The following NUP42 variants were observed in gnomAD, a reference collection of about 807,000 sequenced individuals.
NUP42 encodes nucleoporin NUP42.
In NUP42, 47 loss-of-function variants were observed where a neutral mutation model predicts 35.9. That is an observed-to-expected ratio of 1.31 (90% CI 1.04 to 1.67). NUP42 has a LOEUF of 1.67. Among genes scored for constraint, NUP42 ranks in the 40% most tolerant of loss-of-function variants. The pLI is 0.00. For missense variants in NUP42, 514 were observed against 492.2 expected (o/e 1.04, Z -0.42); for synonymous variants, 173 against 173.3 (o/e 1.00, Z 0.01).
At chr7:23,186,522 A>G (rs138568962) in intron 2 of NUP42, among the ~76,000 whole-genome samples, 1 of 152,308 alleles carries the variant, frequency 6.6e-6, no homozygotes, top group African/African-American at 2.4e-5. Context: ...CTGTTGCAAA[A>G]TGTGAGAATT....
intron 5 of NUP42, 42 bp from the exon 6 acceptor site, chr7:23,199,416 A>G (rs1210536576): frequency 6.8e-7 from 1 of 1,472,292 alleles, no homozygotes; most frequent in Admixed American, 1.7e-5. Flanking sequence ...CTGGAGCACT[A>G]TTCATCAAGC....
At chr7:23,187,191 T>G in intron 3 of NUP42, 45 bp downstream of exon 3, 1 of 1,339,126 alleles carries the variant, frequency 7.5e-7, no homozygotes, top group Non-Finnish European at 1.1e-6. Context: ...CTAAAACTAT[T>G]ATTTTCTAAA....
At chr7:23,198,838 G>A (rs1786107845) in intron 5 of NUP42, among the ~76,000 whole-genome samples, 1 of 152,010 alleles carries the variant, frequency 6.6e-6, no homozygotes, top group African/African-American at 2.4e-5. Context: ...TACCCTTATA[G>A]ACACTGAAAA....
chr7:23,200,946 G>C lies in NUP42; in HGVS notation c.*201G>C. 3.0e-6 allele frequency: 1 copy of C among 332,490 alleles called. No individual in the cohort carries two copies. Among genetic ancestry groups the C allele is most frequent in the Non-Finnish European group, 5.3e-6 (1 of 187,644 alleles). 20.6% of individuals were successfully genotyped at this position (332,490 alleles called of 1,614,324 possible). On this transcript the variant is annotated 3_prime_UTR_variant, in exon 7 of 7. Transcript: ENST00000258742. The stretch of plus-strand genomic sequence containing the variant: ...ACTCTGCAAGCAAGGGAATTTTTTT[G>C]TACTGTAATTTTGAATGGAACTGAA...
At chr7:23,200,021 C>T in intron 6 of NUP42, 147 bp from the exon 7 acceptor site, 1 of 629,870 alleles carries the variant, frequency 1.6e-6, no homozygotes, top group South Asian at 2.2e-5. Context: ...CTCATTTTTA[C>T]TTTCCTCATC....
chr7:23,199,307 C>A, intron 5 of NUP42, 151 bp from the exon 6 acceptor site: 1 of 609,910 alleles, frequency 1.6e-6, no homozygotes. Flanking sequence ...CCTCCTCAGC[C>A]TCCCAAAGTG....
At position 23,182,116 on chromosome 7, in the gene NUP42, C is replaced by T. The variant is rs370296256; in HGVS notation, c.31C>T (p.Arg11Trp). The T allele has an allele frequency of 5.0e-5, 81 of 1,614,066 alleles. No homozygotes were observed. The highest frequency in any genetic ancestry group is 2.4e-4 in the East Asian group (11 of 44,904). Residue 11 changes from arginine to tryptophan, a missense_variant, in exon 1 of 7, where the codon CGG becomes TGG. Physicochemically the swap from Arg to Trp is moderately radical, Grantham distance 101. Coordinates refer to ENST00000258742, the MANE Select transcript of NUP42 (RefSeq NM_007342.3). MAICQFFLQG[R>W]CRFGDRCWNE... ...CATTTGTCAATTCTTCCTTCAAGGC[C>T]GGTGCCGCTTTGGAGATCGGTGCTG...
At position 23,195,846 on chromosome 7, in the gene NUP42, A is replaced by G; in HGVS notation, c.453A>G (p.Thr151=). 1 of 1,597,356 alleles carries G rather than the reference A, an allele frequency of 6.3e-7. No homozygotes were observed. Among genetic ancestry groups the G allele is most frequent in the South Asian group, 1.1e-5 (1 of 88,784 alleles). Residue 151 remains threonine (T), a synonymous_variant, in exon 4 of 7, where the codon ACA becomes ACG. Transcript: ENST00000258742. ...VKKKPNISGF[T]DISPEELRLE... ...ATTGATTCCTCACTTCAGGTTTTACAGACATTTCACCAGAGGAATTGAGGC... is the reference window on the plus strand; with the variant it reads ...ATTGATTCCTCACTTCAGGTTTTACGGACATTTCACCAGAGGAATTGAGGC...
chr7:23,199,015 AT>A (rs1346784190), intron 5 of NUP42, among the ~76,000 whole-genome samples: 1 of 152,236 alleles, frequency 6.6e-6, no homozygotes, highest in African/African-American at 2.4e-5. Flanking sequence ...ACTAGTTGTG[AT>A]TATACTGTTT....
At chr7:23,186,796 G>A (rs1346027165) in intron 2 of NUP42, among the ~76,000 whole-genome samples, 1 of 152,024 alleles carries the variant, frequency 6.6e-6, no homozygotes, top group Admixed American at 6.5e-5. Context: ...CCAATGTTAT[G>A]TATTAACATT....
chr7:23,184,725 C>A (rs1040982131), intron 1 of NUP42, among the ~76,000 whole-genome samples: 6 of 152,196 alleles, frequency 3.9e-5, no homozygotes, highest in Non-Finnish European at 2.9e-5. Flanking sequence ...AGAACAGTTG[C>A]TGGGCACAGT....
In NUP42 at chr7:23,199,654, C is replaced by T. The variant is rs868513715; in HGVS notation, c.694+112C>T. The T allele has an allele frequency of 8.0e-5, 72 of 896,954 alleles. 1 individual carries two copies. The Middle Eastern group carries it at 4.5e-3, about 56-fold the overall frequency. 55.6% of individuals were successfully genotyped at this position (896,954 alleles called of 1,614,324 possible). On this transcript the variant is annotated intron_variant, in intron 6 of 6. Coordinates refer to ENST00000258742, the MANE Select transcript of NUP42 (RefSeq NM_007342.3). ...AAATTACCTTCGTAAATTCTACAACCTTCCATCATAGAGCCTCAAAGCATT... is the reference window on the plus strand; with the variant it reads ...AAATTACCTTCGTAAATTCTACAACTTTCCATCATAGAGCCTCAAAGCATT...
intron 6 of NUP42, 50 bp downstream of exon 6, chr7:23,199,592 T>C: frequency 6.8e-7 from 1 of 1,474,976 alleles, no homozygotes; most frequent in Non-Finnish European, 9.5e-7. Context: ...AAATTAGATT[T>C]TATAGGTTTC....
At chr7:23,194,685 C>CTTTTGCTTTTGCTTTTGTTTTTGT (rs561137859) in intron 3 of NUP42, 2 of 155,546 alleles carry the variant, frequency 1.3e-5, no homozygotes, top group African/African-American at 5.6e-5. Flanking sequence ...TTTGTTTTTG[C>CTTTTGCTTTTGCTTTTGTTTTTGT]TTTTGTTTTT....
At chr7:23,182,302 A>G in intron 1 of NUP42, 96 bp downstream of exon 1, 1 of 1,509,186 alleles carries the variant, frequency 6.6e-7, no homozygotes, top group Non-Finnish European at 8.9e-7. Flanking sequence ...TGGTGACCCC[A>G]ACGTGCCCGC....
chr7:23,196,705 A>G lies in NUP42; in HGVS notation c.548A>G (p.Asn183Ser), dbSNP rs751114640. 6 of 1,612,306 alleles carry G rather than the reference A, an allele frequency of 3.7e-6. No homozygotes were observed. Among genetic ancestry groups the G allele is most frequent in the Non-Finnish European group, 4.2e-6 (5 of 1,178,646 alleles). The change falls in exon 5 of 7, where the codon AAT (asparagine) becomes AGT (serine). Residue 183 changes from asparagine (N) to serine (S), a missense_variant. Transcript: ENST00000258742. Reference sequence around the variant, plus strand: ...CTAAATTCTGTCCAACGTTTAATAAATCAATGGAGGAACAGGGTAAATGAA... The same window carrying G: ...CTAAATTCTGTCCAACGTTTAATAAGTCAATGGAGGAACAGGGTAAATGAA... ...SYLNSVQRLI[N>S]QWRNRVNELK...
intron 3 of NUP42, among the ~76,000 whole-genome samples, chr7:23,188,822 A>G (rs1360720161): frequency 1.3e-5 from 2 of 152,210 alleles, no homozygotes; most frequent in Non-Finnish European, 2.9e-5. Flanking sequence ...CTGTGTTGAC[A>G]TTTGCACTGT....
chr7:23,193,408 G>C (rs1785883083), intron 3 of NUP42, among the ~76,000 whole-genome samples: 2 of 152,128 alleles, frequency 1.3e-5, no homozygotes, highest in South Asian at 4.1e-4. Flanking sequence ...CCCTGAGCTA[G>C]ACACAAAGGT....
In NUP42 at chr7:23,199,444, C is replaced by CT. The variant is rs369615940; in HGVS notation, c.610-4dup. 4,141 of 1,411,592 alleles carry CT rather than the reference C, an allele frequency of 2.9e-3. No individual in the cohort carries two copies. Among genetic ancestry groups the CT allele is most frequent in the Non-Finnish European group, 3.5e-3 (3,595 of 1,022,426 alleles). 87.4% of individuals were successfully genotyped at this position (1,411,592 alleles called of 1,614,324 possible). ...CATCAAGCACTTTATTATTTGCACA[C>CT]TTTTTTTTTTCAGCTCTCTGATGTA... On this transcript the variant is annotated splice_polypyrimidine_tract_variant and intron_variant, in intron 5 of 6. Transcript: ENST00000258742.
Sources: gnomAD v4.1 joint callset for allele counts (sites outside exome capture counted in the v4.1 genomes callset) on GRCh38, gnomAD v4.1.1 for gene constraint, MANE v1.5 for transcripts, NCBI Gene and HGNC (gene_info 2026-07-23, HGNC 2026-07-21) for gene names.